The following SWAP70 variants were observed in gnomAD, a reference collection of about 807,000 sequenced individuals.
SWAP70 encodes the protein switch-associated protein 70.
A neutral mutation model predicts 80.2 loss-of-function variants in SWAP70; 34 were observed. That is an observed-to-expected ratio of 0.42 (90% CI 0.32 to 0.56). The LOEUF is 0.56. SWAP70 is among the 20% of genes least tolerant of loss of function. The pLI, the probability that SWAP70 is intolerant of heterozygous loss-of-function variation, is 0.09. For missense variants in SWAP70, 578 were observed against 690.7 expected, an observed-to-expected ratio of 0.84 and a Z score of 1.83; for synonymous variants, 239 against 238.5, an observed-to-expected ratio of 1.00 and a Z score of -0.02.
chr11:9,730,394 C>T (rs1851282259), intron 6 of SWAP70, among the ~76,000 whole-genome samples: 1 of 150,900 alleles, frequency 6.6e-6, no homozygotes, highest in East Asian at 2.0e-4. Context: ...AGAAATACTT[C>T]AAGATAATAG....
At chr11:9,724,622 TAACTAGGAA>T in intron 3 of SWAP70, 27 bp from the exon 4 acceptor site, 1 of 1,510,694 alleles carries the variant, frequency 6.6e-7, no homozygotes, top group Admixed American at 2.0e-5. Context: ...AAGTTTTTTT[TAACTAGGAA>T]ATAATTATTT....
chr11:9,695,669 A>T (rs1335497169), intron 2 of SWAP70, among the ~76,000 whole-genome samples: 2 of 152,142 alleles, frequency 1.3e-5, no homozygotes. Flanking sequence ...CAATAGGTGC[A>T]GCAAACCACC....
chr11:9,739,495 A>C (rs1231026236), intron 8 of SWAP70, among the ~76,000 whole-genome samples: 1 of 152,244 alleles, frequency 6.6e-6, no homozygotes, highest in East Asian at 1.9e-4. Flanking sequence ...CTGAAGACAG[A>C]GTGAGCTAAT....
intron 2 of SWAP70, among the ~76,000 whole-genome samples, chr11:9,710,079 T>C (rs1850975558): frequency 1.3e-5 from 2 of 152,102 alleles, no homozygotes; most frequent in Admixed American, 6.5e-5. Context: ...AAGTTGTTGG[T>C]CTTGCTGTCT....
rs1317313536 is a variant in SWAP70 at position 9,749,197 on chromosome 11, T to G, written c.1651+14T>G. On this transcript the variant is annotated intron_variant, in intron 11 of 11. Coordinates refer to ENST00000318950, the MANE Select transcript of SWAP70 (RefSeq NM_015055.4). ...TGATAGAACCAGGTAACAGACTCTA[T>G]GAAGTAATCATATATTTATTTTTAT... 4 of 1,388,910 alleles carry G rather than the reference T, an allele frequency of 2.9e-6. No homozygotes were observed. The highest frequency in any genetic ancestry group is 1.9e-6 in the Non-Finnish European group (2 of 1,032,328). 86.0% of individuals were successfully genotyped at this position (1,388,910 alleles called of 1,614,324 possible).
intron 11 of SWAP70, among the ~76,000 whole-genome samples, 183 bp from the exon 12 acceptor site, chr11:9,749,681 G>C (rs1851560198): frequency 6.6e-6 from 1 of 152,134 alleles, no homozygotes; most frequent in Admixed American, 6.5e-5. Flanking sequence ...TCCCCTAATA[G>C]GTAAGAGGGC....
intron 5 of SWAP70, among the ~76,000 whole-genome samples, chr11:9,729,005 C>G (rs1034847149): frequency 6.6e-6 from 1 of 152,132 alleles, no homozygotes; most frequent in African/African-American, 2.4e-5. Context: ...GCTTCATATC[C>G]CATAGGAGTT....
Position 9,747,969 on chromosome 11 carries a change from T to C in SWAP70, c.1467T>C (p.Arg489=), listed in dbSNP as rs751728122. The C allele has an allele frequency of 6.2e-7, 1 of 1,614,208 alleles. No homozygotes were observed. Among genetic ancestry groups the C allele is most frequent in the Non-Finnish European group, 8.5e-7 (1 of 1,180,032 alleles). The change falls in exon 10 of 12, where the codon CGT becomes CGC. Residue 489 remains arginine, a synonymous_variant. Transcript: ENST00000318950. ...AGAAGCAGGAGTTGGAGAATCAGCG[T>C]GTCCTGAAGGAACAGGCCCTGCAGG... is the stretch of plus-strand genomic sequence containing the variant. ...EAEKQELENQ[R]VLKEQALQEA... is the part of the protein sequence containing the mutation.
chr11:9,677,727 G>A (rs1850518574), intron 1 of SWAP70, among the ~76,000 whole-genome samples: 1 of 151,982 alleles, frequency 6.6e-6, no homozygotes, highest in South Asian at 2.1e-4. Flanking sequence ...TTTTTATCCT[G>A]TTGTTTTTAG....
At chr11:9,665,336 A>G (rs1850295426) in intron 1 of SWAP70, among the ~76,000 whole-genome samples, 2 of 152,082 alleles carry the variant, frequency 1.3e-5, no homozygotes, top group South Asian at 4.1e-4. Context: ...TCTTTTTCTC[A>G]CTGATAGAAT....
intron 5 of SWAP70, 83 bp downstream of exon 5, chr11:9,728,282 A>G: frequency 7.8e-7 from 1 of 1,282,350 alleles, no homozygotes; most frequent in Non-Finnish European, 1.0e-6. Context: ...TTCCACCTAG[A>G]CTCTAGAACC....
intron 9 of SWAP70, among the ~76,000 whole-genome samples, chr11:9,747,031 T>C (rs1191961174): frequency 1.3e-5 from 2 of 152,234 alleles, no homozygotes; most frequent in Non-Finnish European, 2.9e-5. Flanking sequence ...CCACTAGATA[T>C]GTATCCTGTC....
intron 10 of SWAP70, among the ~76,000 whole-genome samples, chr11:9,748,779 C>G (rs1851545564): frequency 6.6e-6 from 1 of 152,192 alleles, no homozygotes; most frequent in Non-Finnish European, 1.5e-5. Flanking sequence ...CTGTAACTGG[C>G]ACACAGGGCC....
chr11:9,723,740 G>A (rs940560101), intron 3 of SWAP70, among the ~76,000 whole-genome samples: 4 of 135,342 alleles, frequency 3.0e-5, no homozygotes, highest in Non-Finnish European at 6.6e-5. Flanking sequence ...TTATTGTTTT[G>A]TTTAACTGCT....
At chr11:9,717,921 A>T (rs547500109) in intron 3 of SWAP70, among the ~76,000 whole-genome samples, 210 of 152,344 alleles carry the variant, frequency 1.4e-3, no homozygotes, top group Non-Finnish European at 2.3e-3. Context: ...TTAAATCACC[A>T]TTGAGCCACA....
At chr11:9,682,646 T>G (rs1850581652) in intron 1 of SWAP70, among the ~76,000 whole-genome samples, 1 of 152,210 alleles carries the variant, frequency 6.6e-6, no homozygotes. Context: ...AGTCTTTTGA[T>G]TCATAAACAC....
chr11:9,674,610 G>T (rs1255657944), intron 1 of SWAP70, among the ~76,000 whole-genome samples: 2 of 152,150 alleles, frequency 1.3e-5, no homozygotes, highest in African/African-American at 2.4e-5. Flanking sequence ...GGAGGTTTCA[G>T]TGAGCTGAGA....
chr11:9,697,771 A>C (rs145460137), intron 2 of SWAP70, among the ~76,000 whole-genome samples: 10 of 152,100 alleles, frequency 6.6e-5, no homozygotes, highest in African/African-American at 2.4e-4. Context: ...TGTGTATTTC[A>C]TGTGTTATAC....
chr11:9,721,501 T>G (rs1222854078), intron 3 of SWAP70, among the ~76,000 whole-genome samples: 1 of 151,442 alleles, frequency 6.6e-6, no homozygotes, highest in Admixed American at 6.6e-5. Context: ...AGATAGGGCC[T>G]TGTTCTGTTG....
Sources: gnomAD v4.1 joint callset for allele counts (sites outside exome capture counted in the v4.1 genomes callset) on GRCh38, gnomAD v4.1.1 for gene constraint, MANE v1.5 for transcripts, NCBI Gene and HGNC (gene_info 2026-07-23, HGNC 2026-07-21) for gene names.